Variants in BLM observed in about 807,000 individuals in gnomAD.
BLM encodes the protein recQ-like DNA helicase BLM.
Under a neutral mutation model 135.3 loss-of-function variants are expected in BLM, and 95 were observed. The ratio of observed to expected loss-of-function variants is 0.70; its 90% CI spans 0.59 to 0.83. BLM has a LOEUF of 0.83. BLM is among the 40% of genes least tolerant of loss of function. BLM has a pLI of 0.00. For missense variants in BLM, 1,518 were observed against 1,663.9 expected (o/e 0.91, Z 1.53); for synonymous variants, 520 against 589.2 (o/e 0.88, Z 1.70).
At chr15:90,783,145 A>T (rs1896659847) in intron 13 of BLM, among the ~76,000 whole-genome samples, 1 of 151,996 alleles carries the variant, frequency 6.6e-6, no homozygotes, top group Admixed American at 6.6e-5. Context: ...TATATTAAAT[A>T]CTCCCTCCTA....
chr15:90,722,413 G>C (rs1210131471), intron 1 of BLM, among the ~76,000 whole-genome samples: 1 of 151,974 alleles, frequency 6.6e-6, no homozygotes, highest in Non-Finnish European at 1.5e-5. Flanking sequence ...CCAGCAAAAA[G>C]CCCATCTCTA....
chr15:90,771,308 GAT>G (rs1896308286), intron 12 of BLM, among the ~76,000 whole-genome samples: 1 of 152,098 alleles, frequency 6.6e-6, no homozygotes, highest in South Asian at 2.1e-4. Flanking sequence ...CCAACGTGGC[GAT>G]ACCCCATCTC....
At chr15:90,747,553 T>C in intron 2 of BLM, 63 bp downstream of exon 2, 1 of 1,022,156 alleles carries the variant, frequency 9.8e-7, no homozygotes, top group Non-Finnish European at 1.5e-6. Flanking sequence ...ACACATGAGA[T>C]ATCTTCTCTT....
In BLM at chr15:90,768,529, C is replaced by T. The variant is rs74537074; in HGVS notation, c.2308-604C>T. Among the ~76,000 whole-genome samples, 958 of 152,192 alleles carry T rather than the reference C, an allele frequency of 6.3e-3. 10 individuals are homozygous for T. The highest frequency in any genetic ancestry group is 0.02 in the African/African-American group (850 of 41,532). On this transcript the variant is annotated intron_variant, in intron 10 of 21. Coordinates refer to ENST00000355112, the MANE Select transcript of BLM (RefSeq NM_000057.4). ...CATCCATATAACCCAGATATGTAAC[C>T]CTGTTGCCAATGTAAATGTATGGTG...
chr15:90,760,110 C>A (rs1266825108), intron 5 of BLM, 37 bp from the exon 6 acceptor site: 2 of 1,576,266 alleles, frequency 1.3e-6, no homozygotes, highest in South Asian at 1.1e-5. Context: ...TTTTTTTTCC[C>A]TCAAAGAAAA....
In BLM at chr15:90,749,678, A is replaced by G. The variant is rs28384988; in HGVS notation, c.410A>G (p.Lys137Arg). ...TVKKSRDTAL[K>R]KLEFSSSPDS... The stretch of plus-strand genomic sequence containing the variant: ...AAGAAATCCCGGGATACTGCTCTCA[A>G]GAAATTAGAATTTAGTTCTTCACCA... Residue 137 changes from lysine (K) to arginine (R), a missense_variant, in exon 3 of 22, where the codon AAG (lysine) becomes AGG (arginine). This residue lies in a region of BLM where 724 missense variants were observed against 756.9 expected (regional missense o/e 0.96). Coordinates refer to ENST00000355112, the MANE Select transcript of BLM (RefSeq NM_000057.4). The G allele has an allele frequency of 7.6e-4, 1,232 of 1,614,194 alleles. 5 individuals carry two copies. In the African/African-American group the frequency reaches 0.013, roughly 18 times the overall value.
intron 2 of BLM, chr15:90,747,709 C>T (rs900299234): frequency 3.1e-5 from 15 of 476,404 alleles, no homozygotes; most frequent in Non-Finnish European, 4.2e-5. Context: ...ATAATATTTG[C>T]TCAATAAAGA....
intron 2 of BLM, among the ~76,000 whole-genome samples, 171 bp from the exon 3 acceptor site, chr15:90,749,196 G>A (rs1405526536): frequency 1.3e-5 from 2 of 152,190 alleles, no homozygotes; most frequent in Non-Finnish European, 2.9e-5. Context: ...ACCAGAGAAC[G>A]AATACAATTT....
intron 1 of BLM, among the ~76,000 whole-genome samples, chr15:90,732,523 G>A (rs999176210): frequency 2.0e-5 from 3 of 150,310 alleles, no homozygotes; most frequent in Admixed American, 6.6e-5. Context: ...TGGATGTAAG[G>A]AAAACAGAAA....
intron 1 of BLM, among the ~76,000 whole-genome samples, chr15:90,746,893 C>T (rs745843956): frequency 4.0e-4 from 61 of 152,182 alleles, no homozygotes; most frequent in Non-Finnish European, 8.5e-4. Context: ...TAGTATCTTG[C>T]TGGTAAACCT....
At chr15:90,784,700 CACCTCACGAGTCATTA>C (rs1896700668) in intron 13 of BLM, among the ~76,000 whole-genome samples, 1 of 151,778 alleles carries the variant, frequency 6.6e-6, no homozygotes, top group Non-Finnish European at 1.5e-5. Flanking sequence ...CATCCAGGTC[CACCTCACGAGTCATTA>C]GCAGCGACAG....
chr15:90,772,922 A>AC (rs1355128498), intron 12 of BLM, among the ~76,000 whole-genome samples: 1 of 150,864 alleles, frequency 6.6e-6, no homozygotes, highest in Non-Finnish European at 1.5e-5. Flanking sequence ...ACAAGGAGAA[A>AC]CCCCGTCTCT....
At position 90,815,393 on chromosome 15, in the gene BLM, T is replaced by A; in HGVS notation, c.*114T>A. On this transcript the variant is annotated 3_prime_UTR_variant, in exon 22 of 22. Coordinates refer to ENST00000355112, the MANE Select transcript of BLM (RefSeq NM_000057.4). The surrounding 1 kb of genome is among the most constrained non-coding windows in gnomAD (Gnocchi z 4.6). ...ATTTGAAGTTTTTACTCGTCTCTAT[T>A]AATATTTAAATAAATGCTGGGGGGT... 1 of 1,148,146 alleles carries A rather than the reference T, an allele frequency of 8.7e-7. No homozygotes were observed. The highest frequency in any genetic ancestry group is 1.3e-6 in the Non-Finnish European group (1 of 788,354). 71.1% of individuals were successfully genotyped at this position (1,148,146 alleles called of 1,614,324 possible). A position where few individuals can be genotyped will look rare whatever the true frequency, so the allele number is the denominator to read the frequency against.
chr15:90,748,399 C>T (rs959910841), intron 2 of BLM, among the ~76,000 whole-genome samples: 2 of 152,184 alleles, frequency 1.3e-5, no homozygotes, highest in African/African-American at 4.8e-5. Flanking sequence ...TGAGCCACCA[C>T]GCCCGGCCAA....
At chr15:90,808,986 A>T in intron 19 of BLM, 151 bp from the exon 20 acceptor site, 1 of 1,042,142 alleles carries the variant, frequency 9.6e-7, no homozygotes, top group Non-Finnish European at 1.5e-6. Context: ...CTGAGGTGCT[A>T]ACTTTGCCTT....
Position 90,769,431 on chromosome 15 carries a change from C to G in BLM, c.2407-7C>G, listed in dbSNP as rs768836369. On this transcript the variant is annotated splice_region_variant and splice_polypyrimidine_tract_variant and intron_variant, in intron 11 of 21. Transcript: ENST00000355112. ...GTCTGAAAAGCAGTATTTTTTTTTC[C>G]AACTAGTGGGGACATGATTTTCGTC... The G allele has an allele frequency of 6.2e-7, 1 of 1,612,530 alleles. No individual in the cohort carries two copies. The highest frequency in any genetic ancestry group is 1.1e-5 in the South Asian group (1 of 90,910).
At chr15:90,774,080 T>C (rs1187965509) in intron 12 of BLM, among the ~76,000 whole-genome samples, 1 of 145,366 alleles carries the variant, frequency 6.9e-6, no homozygotes, top group Non-Finnish European at 1.5e-5. Context: ...TTTTTTTTTT[T>C]TTTTTTTTTT....
At chr15:90,768,168 C>G (rs1311818082) in intron 10 of BLM, among the ~76,000 whole-genome samples, 1 of 152,098 alleles carries the variant, frequency 6.6e-6, no homozygotes. Context: ...GTCTCAAACT[C>G]CTGACCTCAG....
chr15:90,814,356 TTA>T (rs1897500363), intron 21 of BLM, among the ~76,000 whole-genome samples: 1 of 152,186 alleles, frequency 6.6e-6, no homozygotes, highest in Non-Finnish European at 1.5e-5. Context: ...TGTTTTTATT[TTA>T]CTTAAGGGTG....
Sources: gnomAD v4.1 joint callset for allele counts (sites outside exome capture counted in the v4.1 genomes callset) on GRCh38, gnomAD v4.1.1 for gene constraint, gnomAD v4.1.1 regional missense constraint, Gnocchi (gnomAD v3.1) non-coding constraint, MANE v1.5 for transcripts, NCBI Gene and HGNC (gene_info 2026-07-23, HGNC 2026-07-21) for gene names.